Variants in SRGAP2 observed in about 807,000 individuals in gnomAD.
The protein encoded by SRGAP2 is SLIT-ROBO Rho GTPase activating protein 2.
A neutral mutation model predicts 57.2 loss-of-function variants in SRGAP2; 15 were observed. The observed-to-expected ratio is 0.26, with a 90% CI of 0.18 to 0.40. The LOEUF is 0.40. Among genes scored for constraint, SRGAP2 ranks in the 10% least tolerant of loss-of-function variants. The pLI, the probability that SRGAP2 is intolerant of heterozygous loss-of-function variation, is 1.00. For missense variants in SRGAP2, 520 were observed against 669.6 expected (o/e 0.78, Z 2.47); for synonymous variants, 249 against 248.0 (o/e 1.00, Z -0.04).
chr1:206,421,121 A>AT (rs1452717481), intron 12 of SRGAP2, 129 bp from the exon 13 acceptor site: 111 of 551,292 alleles, frequency 2.0e-4, no homozygotes, highest in Non-Finnish European at 3.2e-4. Context: ...TACCACACAG[A>AT]TTTTTTTTAA....
At chr1:206,425,999 G>A (rs1193443550) in intron 13 of SRGAP2, among the ~76,000 whole-genome samples, 2 of 151,734 alleles carry the variant, frequency 1.3e-5, no homozygotes, top group African/African-American at 4.8e-5. Flanking sequence ...GGCATCTGCT[G>A]CCATGCCCAG....
At chr1:206,337,961 CA>C (rs1268576273) in intron 3 of SRGAP2, among the ~76,000 whole-genome samples, 1 of 152,086 alleles carries the variant, frequency 6.6e-6, no homozygotes, top group Non-Finnish European at 1.5e-5. Context: ...ATAAATAGTC[CA>C]AGGTGAGGGA....
Position 206,393,562 on chromosome 1 carries a change from G to T in SRGAP2, c.720G>T (p.Thr240=), listed in dbSNP as rs782202378. 5.1e-6 allele frequency: 4 copies of T among 778,924 alleles called. No homozygotes were observed. The African/African-American group carries it at 6.8e-5, about 13-fold the overall frequency. 48.3% of individuals were successfully genotyped at this position (778,924 alleles called of 1,614,324 possible). Reference sequence around the variant, plus strand: ...CTTTTCAGCGTCAAGCCAAGTACACGGAGAATAAGCTGAAGGCCATCAAAG... The same window carrying T: ...CTTTTCAGCGTCAAGCCAAGTACACTGAGAATAAGCTGAAGGCCATCAAAG... ...KMKEKRQAKY[T]ENKLKAIKAR... is the part of the protein sequence containing the mutation. Residue 240 remains threonine, a synonymous_variant, in exon 7 of 23, where the codon ACG becomes ACT. Coordinates refer to ENST00000573034, the MANE Select transcript of SRGAP2 (RefSeq NM_015326.5).
intron 13 of SRGAP2, among the ~76,000 whole-genome samples, chr1:206,425,193 G>A (rs1156462294): frequency 1.3e-5 from 2 of 152,028 alleles, no homozygotes; most frequent in East Asian, 3.8e-4. Context: ...CTATGCAAAC[G>A]CTCATATCAC....
At chr1:206,421,324 T>A (rs1553364275) in intron 13 of SRGAP2, 50 bp downstream of exon 13, 2 of 751,478 alleles carry the variant, frequency 2.7e-6, no homozygotes. Context: ...ATATAGTCCA[T>A]CCCACAGGCA....
intron 14 of SRGAP2, among the ~76,000 whole-genome samples, chr1:206,433,062 T>A (rs1661411384): frequency 6.6e-6 from 1 of 152,210 alleles, no homozygotes; most frequent in African/African-American, 2.4e-5. Context: ...TAAGTCAAAC[T>A]ATTGCAAGTC....
At position 206,372,964 on chromosome 1, in the gene SRGAP2, C is replaced by CTTTCTTTCCTTT. The variant is rs1553342935; in HGVS notation, c.424-11050_424-11049insTTTCTTTCCTTT. Among the ~76,000 whole-genome samples, 21 of 23,342 alleles carry CTTTCTTTCCTTT rather than the reference C, an allele frequency of 9.0e-4. 7 individuals are homozygous for CTTTCTTTCCTTT. The highest frequency in any genetic ancestry group is 2.1e-3 in the East Asian group (1 of 480). The allele number at this position is 23,342 out of a possible 152,430, so 15.3% of individuals were successfully genotyped here. ...CTTTCTTTCTTTCTTTCTTTTCTTT[C>CTTTCTTTCCTTT]CTTTCTTTCTTTCTTTCTTTCTTTC... On this transcript the variant is annotated intron_variant, in intron 4 of 22. Coordinates refer to ENST00000573034, the MANE Select transcript of SRGAP2 (RefSeq NM_015326.5).
rs552138715 is a variant in SRGAP2 at position 206,353,476 on chromosome 1, G to A, written c.423+10468G>A. 5.3e-5 allele frequency among the ~76,000 whole-genome samples: 8 copies of A among 151,844 alleles called. No homozygotes were observed. In the East Asian group the frequency reaches 9.7e-4, roughly 18 times the overall value. On this transcript the variant is annotated intron_variant, in intron 4 of 22. Coordinates refer to ENST00000573034, the MANE Select transcript of SRGAP2 (RefSeq NM_015326.5). ...AGCCTGGCCAACATGGTGAAACCCCGTCTCTACTAAAAATACAAAAATTAG... is the reference window on the plus strand; with the variant it reads ...AGCCTGGCCAACATGGTGAAACCCCATCTCTACTAAAAATACAAAAATTAG...
chr1:206,389,137 T>C (rs1482017435), intron 5 of SRGAP2, among the ~76,000 whole-genome samples: 1 of 150,588 alleles, frequency 6.6e-6, no homozygotes, highest in Non-Finnish European at 1.5e-5. Flanking sequence ...GGGAGGGGGA[T>C]CTTGGGGCCT....
rs545739252 is a variant in SRGAP2, at chr1:206,436,227, TGA to T, written c.1556-736_1556-735del. Among the ~76,000 whole-genome samples, 272 of 152,318 alleles carry T rather than the reference TGA, an allele frequency of 1.8e-3. 1 individual carries two copies. The highest frequency in any genetic ancestry group is 6.2e-3 in the African/African-American group (259 of 41,578). ...ATAGTTTCATGTTCTCTCTTTTTCATGAGTATTGAAAGCATTGCCCCCTTGAA... is the reference window on the plus strand; with the variant it reads ...ATAGTTTCATGTTCTCTCTTTTTCATGTATTGAAAGCATTGCCCCCTTGAA... On this transcript the variant is annotated intron_variant, in intron 14 of 22. Transcript: ENST00000573034.
intron 3 of SRGAP2, among the ~76,000 whole-genome samples, chr1:206,342,300 G>A (rs1308487815): frequency 6.6e-6 from 1 of 152,110 alleles, no homozygotes; most frequent in Non-Finnish European, 1.5e-5. Flanking sequence ...TCTAACTTTG[G>A]TTTCTAACCC....
rs1553380734 is a variant in SRGAP2 at position 206,461,397 on chromosome 1, A to G, written c.3193A>G (p.Thr1065Ala). ...CAACTCATCAACTTCCCCACAGTCTACTGACAAGTCTTGTACTGTCTGAGG... is the reference window on the plus strand; with the variant it reads ...CAACTCATCAACTTCCCCACAGTCTGCTGACAAGTCTTGTACTGTCTGAGG... ...GVNSSTSPQS[T>A]DKSCTV Residue 1065 changes from threonine (T) to alanine (A), a missense_variant, in exon 23 of 23, where the codon ACT becomes GCT. Around this residue, in one of 5 missense-constraint regions of SRGAP2, gnomAD observed 478 missense variants for 373.6 expected, o/e 1.28. Transcript: ENST00000573034. The G allele has an allele frequency of 1.3e-6, 1 of 779,352 alleles. No homozygotes were observed. Among genetic ancestry groups the G allele is most frequent in the East Asian group, 2.4e-5 (1 of 41,248 alleles). The allele number at this position is 779,352 out of a possible 1,614,324, so 48.3% of individuals were successfully genotyped here. A position where few individuals can be genotyped will look rare whatever the true frequency, so the allele number is the denominator to read the frequency against.
intron 5 of SRGAP2, among the ~76,000 whole-genome samples, chr1:206,388,227 C>G (rs1553349110): frequency 6.6e-6 from 1 of 152,150 alleles, no homozygotes; most frequent in East Asian, 1.9e-4. Flanking sequence ...TCTGTACTCC[C>G]CCTAAATTTA....
At chr1:206,207,909 G>T in intron 2 of SRGAP2, 1 of 51,112 alleles carries the variant, frequency 2.0e-5, no homozygotes, top group East Asian at 3.8e-4. Flanking sequence ...TCGGCTATTT[G>T]GGTTCTCTCT....
chr1:206,281,877 G>C (rs1670756790), intron 2 of SRGAP2, among the ~76,000 whole-genome samples: 1 of 139,054 alleles, frequency 7.2e-6, no homozygotes, highest in Non-Finnish European at 1.5e-5. Flanking sequence ...TCGCACCACT[G>C]CACTCCAGCC....
chr1:206,291,096 T>C (rs1241096088), intron 2 of SRGAP2, among the ~76,000 whole-genome samples: 1 of 151,500 alleles, frequency 6.6e-6, no homozygotes, highest in Non-Finnish European at 1.5e-5. Flanking sequence ...TTCTTTTTGT[T>C]AACCAATCAA....
chr1:206,372,973 CTTTCTTT>C (rs1558359142), intron 4 of SRGAP2, among the ~76,000 whole-genome samples: 1,150 of 31,062 alleles, frequency 0.037, 149 homozygotes, highest in Middle Eastern at 0.1. Context: ...TCCTTTCTTT[CTTTCTTT>C]CTTTCTTTCT....
chr1:206,396,962 CTAAACT>C (rs1276641561), intron 7 of SRGAP2, among the ~76,000 whole-genome samples: 1 of 151,566 alleles, frequency 6.6e-6, no homozygotes, highest in Non-Finnish European at 1.5e-5. Context: ...CATACAGTAA[CTAAACT>C]TAAGTGTTAC....
At chr1:206,251,635 G>C (rs1309865395) in intron 2 of SRGAP2, among the ~76,000 whole-genome samples, 11 of 150,950 alleles carry the variant, frequency 7.3e-5, no homozygotes, top group African/African-American at 2.4e-4. Flanking sequence ...CCTTGATCTG[G>C]ACAACGTGGA....
Sources: gnomAD v4.1 joint callset for allele counts (sites outside exome capture counted in the v4.1 genomes callset) on GRCh38, gnomAD v4.1.1 for gene constraint, gnomAD v4.1.1 regional missense constraint, MANE v1.5 for transcripts, NCBI Gene and HGNC (gene_info 2026-07-23, HGNC 2026-07-21) for gene names.